Variants in FGF2 observed in about 807,000 individuals in gnomAD.
The protein encoded by FGF2 is basic fibroblast growth factor bFGF.
Under a neutral mutation model 15.9 loss-of-function variants are expected in FGF2, and 13 were observed. The ratio of observed to expected loss-of-function variants is 0.82; its 90% CI spans 0.53 to 1.30. The LOEUF is 1.30. Ranked by LOEUF, FGF2 falls within the 50% of genes most tolerant of loss-of-function variation. The pLI is 0.00. For missense variants in FGF2, 163 were observed against 196.9 expected (o/e 0.83, Z 1.03); for synonymous variants, 90 against 78.4 (o/e 1.15, Z -0.78).
intron 1 of FGF2, among the ~76,000 whole-genome samples, chr4:122,837,986 T>C (rs1725899944): frequency 6.6e-6 from 1 of 152,226 alleles, no homozygotes; most frequent in African/African-American, 2.4e-5. Flanking sequence ...TTTATATATA[T>C]CTACATTACT....
chr4:122,863,111 C>CTGTT (rs1187868183), intron 1 of FGF2, among the ~76,000 whole-genome samples: 2 of 152,150 alleles, frequency 1.3e-5, no homozygotes, highest in Admixed American at 1.3e-4. Context: ...ATTCTTATAA[C>CTGTT]TGTTGCTCAG....
intron 1 of FGF2, among the ~76,000 whole-genome samples, chr4:122,856,411 C>T (rs915176558): frequency 4.6e-5 from 7 of 152,138 alleles, no homozygotes; most frequent in Non-Finnish European, 8.8e-5. Context: ...ATTTGGTCTG[C>T]GGGCTCTTCT....
At chr4:122,834,775 G>A (rs72672940) in intron 1 of FGF2, among the ~76,000 whole-genome samples, 5,689 of 152,270 alleles carry the variant, frequency 0.037, 182 homozygotes, top group Non-Finnish European at 0.054. Flanking sequence ...AGGATAATAA[G>A]CCTTCCCCAA....
At chr4:122,860,447 C>CTT (rs34541038) in intron 1 of FGF2, among the ~76,000 whole-genome samples, 45,565 of 90,602 alleles carry the variant, frequency 0.5, 15,039 homozygotes, top group East Asian at 0.8. Context: ...CTAAGGTTAA[C>CTT]TTTTTTTTTT....
At chr4:122,835,211 G>T (rs974226037) in intron 1 of FGF2, among the ~76,000 whole-genome samples, 29 of 152,132 alleles carry the variant, frequency 1.9e-4, no homozygotes, top group African/African-American at 6.5e-4. Context: ...TGGCTTTGCC[G>T]GCCTTGTGTT....
chr4:122,827,663 G>T lies in FGF2; in HGVS notation c.178+311G>T, dbSNP rs1338929465. ...TGTCTTCCCGCGGACAACCTGTCGC[G>T]TCGGGGATGCCCGCGGCCCCGCCAT... is the stretch of plus-strand genomic sequence containing the variant. On this transcript the variant is annotated intron_variant, in intron 1 of 2. Transcript: ENST00000644866. This position sits in a 1 kb window ranked among gnomAD's most constrained non-coding sequence, Gnocchi z 4.2. 1.3e-5 allele frequency among the ~76,000 whole-genome samples: 2 copies of T among 152,114 alleles called. No homozygotes were observed. Among genetic ancestry groups the T allele is most frequent in the East Asian group, 3.9e-4 (2 of 5,170 alleles).
intron 2 of FGF2, among the ~76,000 whole-genome samples, chr4:122,887,086 C>T (rs1034425079): frequency 7.9e-5 from 12 of 152,124 alleles, no homozygotes; most frequent in African/African-American, 7.2e-5. Context: ...GAGGCTGAGG[C>T]GGGTGGACCA....
At chr4:122,861,319 C>A (rs535282718) in intron 1 of FGF2, among the ~76,000 whole-genome samples, 1 of 152,304 alleles carries the variant, frequency 6.6e-6, no homozygotes, top group South Asian at 2.1e-4. Context: ...ACATCTCTGT[C>A]TGAATTTTCC....
chr4:122,876,411 G>C lies in FGF2; in HGVS notation c.269G>C (p.Arg90Thr), dbSNP rs768053240. The C allele has an allele frequency of 1.2e-6, 2 of 1,604,528 alleles. No homozygotes were observed. Among genetic ancestry groups the C allele is most frequent in the Non-Finnish European group, 1.7e-6 (2 of 1,171,302 alleles). ...NRYLAMKEDGRLLASKCVTDE... is the reference protein window; with the variant it reads ...NRYLAMKEDGTLLASKCVTDE... ...TACCTGGCTATGAAGGAAGATGGAA[G>C]ATTACTGGCTTCTGTAAGCATACTT... Residue 90 changes from arginine (R) to threonine (T), a missense_variant, in exon 2 of 3, where the codon AGA becomes ACA. Transcript: ENST00000644866.
intron 2 of FGF2, among the ~76,000 whole-genome samples, chr4:122,877,527 G>T (rs1013707560): frequency 2.6e-5 from 4 of 152,162 alleles, no homozygotes; most frequent in African/African-American, 9.7e-5. Flanking sequence ...ATTATTATTA[G>T]AAACGGGACT....
At position 122,845,159 on chromosome 4, in the gene FGF2, C is replaced by T. The variant is rs1018731763; in HGVS notation, c.178+17807C>T. Among the ~76,000 whole-genome samples the T allele has an allele frequency of 4.0e-4, 61 of 152,264 alleles. 1 individual carries two copies. Among genetic ancestry groups the T allele is most frequent in the Non-Finnish European group, 8.8e-5 (6 of 68,022 alleles). On this transcript the variant is annotated intron_variant, in intron 1 of 2. Transcript: ENST00000644866. ...AGTGACTAGCTATGTTGCTAGCCAA[C>T]AGTATTCTTTTGAAAGGGATGTTTT...
At chr4:122,874,141 CT>C (rs1726792259) in intron 1 of FGF2, among the ~76,000 whole-genome samples, 1 of 152,264 alleles carries the variant, frequency 6.6e-6, no homozygotes, top group East Asian at 1.9e-4. Flanking sequence ...TTTGTACATC[CT>C]TATGAGTTAA....
At chr4:122,844,695 G>A (rs1362759391) in intron 1 of FGF2, among the ~76,000 whole-genome samples, 1 of 150,220 alleles carries the variant, frequency 6.7e-6, no homozygotes, top group Non-Finnish European at 1.5e-5. Flanking sequence ...GGAGTACGGT[G>A]GTATAGTCAT....
chr4:122,858,373 A>G (rs988796853), intron 1 of FGF2, among the ~76,000 whole-genome samples: 3 of 151,916 alleles, frequency 2.0e-5, no homozygotes, highest in African/African-American at 7.3e-5. Context: ...TTTTCAGCAA[A>G]TGAGTTCCTT....
intron 1 of FGF2, among the ~76,000 whole-genome samples, chr4:122,861,396 C>T (rs1381681729): frequency 1.3e-5 from 2 of 152,182 alleles, no homozygotes; most frequent in African/African-American, 4.8e-5. Context: ...CCAACTTTCC[C>T]CTCCTGCTGC....
chr4:122,834,272 G>T (rs1725821457), intron 1 of FGF2, among the ~76,000 whole-genome samples: 1 of 152,190 alleles, frequency 6.6e-6, no homozygotes, highest in South Asian at 2.1e-4. Context: ...GTTCTCCAGG[G>T]ACCCCTTTAT....
chr4:122,826,799 T>C, upstream of FGF2: 1 of 1,428,310 alleles, frequency 7.0e-7, no homozygotes, highest in Non-Finnish European at 9.3e-7. Flanking sequence ...GGGGTGGAGA[T>C]GTAGAAGATG....
At position 122,876,331 on chromosome 4, in the gene FGF2, A is replaced by G; in HGVS notation, c.189A>G (p.Gln63=). 5 of 1,610,250 alleles carry G rather than the reference A, an allele frequency of 3.1e-6. No homozygotes were observed. Among genetic ancestry groups the G allele is most frequent in the Non-Finnish European group, 4.2e-6 (5 of 1,176,594 alleles). ...TTTTTCCCGTTACAGTCAAGCTACA[A>G]CTTCAAGCAGAAGAGAGAGGAGTTG... is the stretch of plus-strand genomic sequence containing the variant. The part of the protein sequence containing the change: ...REKSDPHIKL[Q]LQAEERGVVS... Residue 63 remains glutamine (Q), a synonymous_variant, in exon 2 of 3, where the codon CAA becomes CAG. Transcript: ENST00000644866.
intron 2 of FGF2, among the ~76,000 whole-genome samples, chr4:122,881,551 A>G (rs1411610550): frequency 6.6e-6 from 1 of 152,192 alleles, no homozygotes; most frequent in Non-Finnish European, 1.5e-5. Context: ...CTTTGCTAAA[A>G]CATAACAAGA....
Sources: gnomAD v4.1 joint callset for allele counts (sites outside exome capture counted in the v4.1 genomes callset) on GRCh38, gnomAD v4.1.1 for gene constraint, Gnocchi (gnomAD v3.1) non-coding constraint, MANE v1.5 for transcripts, NCBI Gene and HGNC (gene_info 2026-07-23, HGNC 2026-07-21) for gene names.